Variants in EGLN1 observed in about 807,000 individuals in gnomAD.
EGLN1 encodes egl-9 family hypoxia inducible factor 1.
Under a neutral mutation model 38.3 loss-of-function variants are expected in EGLN1, and 17 were observed. The ratio of observed to expected loss-of-function variants is 0.44; its 90% confidence interval spans 0.30 to 0.67. The LOEUF (loss-of-function observed/expected upper bound fraction) is 0.67. Ranked by LOEUF, EGLN1 falls within the 30% of genes least tolerant of loss-of-function variation. The pLI, the probability that EGLN1 is intolerant of heterozygous loss-of-function variation, is 0.08. For synonymous variants in EGLN1, 283 were observed against 257.5 expected, an observed-to-expected ratio of 1.10 and a Z score of -0.95; for missense variants, 477 against 603.3, an observed-to-expected ratio of 0.79 and a Z score of 2.19.
At chr1:231,388,285 G>A (rs1688272684) in intron 1 of EGLN1, among the ~76,000 whole-genome samples, 1 of 139,566 alleles carries the variant, frequency 7.2e-6, no homozygotes. Context: ...AAATTAAGAG[G>A]GAAGAACCAA....
At chr1:231,381,692 G>A (rs182197) in intron 1 of EGLN1, among the ~76,000 whole-genome samples, 150,563 of 152,344 alleles carry the variant, frequency 0.99, 74,407 homozygotes, top group East Asian at 1. Flanking sequence ...ATAAAGTTAT[G>A]CTTTACAAAT....
intron 1 of EGLN1, among the ~76,000 whole-genome samples, chr1:231,394,545 ATT>A (rs59597792): frequency 0.055 from 7,704 of 141,324 alleles, 681 homozygotes; most frequent in African/African-American, 0.19. Context: ...CGCCCGACTA[ATT>A]TTTTTTTTTT....
Position 231,421,348 on chromosome 1 carries a change from G to A in EGLN1, c.541C>T (p.Pro181Ser), listed in dbSNP as rs1339434215. The change falls in exon 1 of 5, where the codon CCC becomes TCC. Residue 181 changes from proline to serine, a missense_variant. Physicochemically the swap from Pro to Ser is moderately conservative, Grantham distance 74. Coordinates refer to ENST00000366641, the MANE Select transcript of EGLN1 (RefSeq NM_022051.3). The surrounding 1 kb of genome is among the most constrained non-coding windows in gnomAD (Gnocchi z 5.5). Reference protein sequence around the residue: ...DALSPGGGLRPNGQTKPLPAL... With the variant: ...DALSPGGGLRSNGQTKPLPAL... ...GGCAGGGGCTTCGTCTGCCCGTTGG[G>A]CCGCAGGCCGCCGCCGGGGCTCAGC... 8 of 1,609,978 alleles carry A rather than the reference G, an allele frequency of 5.0e-6. No homozygotes were observed. The highest frequency in any genetic ancestry group is 1.3e-5 in the African/African-American group (1 of 74,986).
chr1:231,397,935 A>C (rs1032506441), intron 1 of EGLN1, among the ~76,000 whole-genome samples: 19 of 152,328 alleles, frequency 1.2e-4, no homozygotes, highest in African/African-American at 4.6e-4. Flanking sequence ...GTTCTGAAGA[A>C]ACTGATAAGC....
At chr1:231,394,806 A>G (rs1474729018) in intron 1 of EGLN1, among the ~76,000 whole-genome samples, 1 of 152,184 alleles carries the variant, frequency 6.6e-6, no homozygotes, top group East Asian at 1.9e-4. Context: ...AAATTTATCT[A>G]AATAAATAAC....
At position 231,420,896 on chromosome 1, in the gene EGLN1, A is replaced by G. The variant is rs1656568432; in HGVS notation, c.891+102T>C. The G allele has an allele frequency of 1.9e-6, 3 of 1,607,530 alleles. No individual in the cohort carries two copies. In the South Asian group the frequency reaches 3.3e-5, roughly 18 times the overall value. On this transcript the variant is annotated intron_variant, in intron 1 of 4. Transcript: ENST00000366641. ...ACACAAGAAAGAGCGAGTCCCTTCT[A>G]TATAGAGGAATGCTGCTTCTCAGCC...
At chr1:231,368,310 G>T (rs989487431) in intron 3 of EGLN1, among the ~76,000 whole-genome samples, 1 of 152,180 alleles carries the variant, frequency 6.6e-6, no homozygotes, top group African/African-American at 2.4e-5. Flanking sequence ...GGGCATTGCA[G>T]GCTAACAGTT....
chr1:231,373,912 T>C (rs1160892901), intron 2 of EGLN1, 68 bp downstream of exon 2: 9 of 1,569,292 alleles, frequency 5.7e-6, no homozygotes, highest in East Asian at 4.5e-5. Context: ...ATCAGAAGTA[T>C]GAAACTTAAT....
At chr1:231,406,925 T>G (rs1688812956) in intron 1 of EGLN1, among the ~76,000 whole-genome samples, 1 of 152,142 alleles carries the variant, frequency 6.6e-6, no homozygotes, top group Non-Finnish European at 1.5e-5. Context: ...GCCCAAAATT[T>G]CTTTATTCAA....
intron 1 of EGLN1, among the ~76,000 whole-genome samples, chr1:231,405,334 C>T (rs1472860034): frequency 6.6e-6 from 1 of 151,996 alleles, no homozygotes; most frequent in Non-Finnish European, 1.5e-5. Flanking sequence ...TGCCCGCCAC[C>T]ATGCCCGGCT....
At chr1:231,392,990 A>G (rs941600414) in intron 1 of EGLN1, among the ~76,000 whole-genome samples, 5 of 152,214 alleles carry the variant, frequency 3.3e-5, no homozygotes, top group African/African-American at 1.2e-4. Flanking sequence ...AAGTTGGTTC[A>G]GAAATGGGCA....
At chr1:231,403,749 C>T (rs1688718894) in intron 1 of EGLN1, among the ~76,000 whole-genome samples, 1 of 109,672 alleles carries the variant, frequency 9.1e-6, no homozygotes, top group African/African-American at 3.7e-5. Context: ...GCATGGTCAA[C>T]AGAGCCAGAC....
chr1:231,402,573 T>C (rs2102927201), intron 1 of EGLN1, among the ~76,000 whole-genome samples: 1 of 152,092 alleles, frequency 6.6e-6, no homozygotes, highest in Non-Finnish European at 1.5e-5. Context: ...TAGCTGGGAT[T>C]ACAGGTGCAC....
intron 1 of EGLN1, among the ~76,000 whole-genome samples, chr1:231,395,833 C>G (rs1688510405): frequency 6.6e-6 from 1 of 152,108 alleles, no homozygotes; most frequent in Non-Finnish European, 1.5e-5. Flanking sequence ...CCTACTGATT[C>G]AGAATCTCCA....
chr1:231,377,207 A>G (rs931165288), intron 1 of EGLN1, among the ~76,000 whole-genome samples: 2 of 152,250 alleles, frequency 1.3e-5, no homozygotes, highest in African/African-American at 2.4e-5. Context: ...CAACCATGTG[A>G]GGTAAACAGT....
intron 1 of EGLN1, among the ~76,000 whole-genome samples, chr1:231,404,348 G>A (rs1688735225): frequency 6.6e-6 from 1 of 152,052 alleles, no homozygotes; most frequent in Admixed American, 6.6e-5. Flanking sequence ...ATTATTTTAG[G>A]AGGAAAATAA....
intron 1 of EGLN1, among the ~76,000 whole-genome samples, chr1:231,391,129 T>A (rs1323418173): frequency 6.6e-6 from 1 of 151,244 alleles, no homozygotes; most frequent in Non-Finnish European, 1.5e-5. Flanking sequence ...TGTGTGTGTG[T>A]GTGTGAGACA....
chr1:231,366,281 G>A lies in EGLN1; in HGVS notation c.*130C>T. On this transcript the variant is annotated 3_prime_UTR_variant, in exon 5 of 5. Coordinates refer to ENST00000366641, the MANE Select transcript of EGLN1 (RefSeq NM_022051.3). Reference sequence around the variant, plus strand: ...TCTTCTGTTTGATGCAACACAAAAAGTTGTTTCTGTTTCCTTATTAAAATG... The same window carrying A: ...TCTTCTGTTTGATGCAACACAAAAAATTGTTTCTGTTTCCTTATTAAAATG... 2 of 970,668 alleles carry A rather than the reference G, an allele frequency of 2.1e-6. No individual in the cohort carries two copies. Among genetic ancestry groups the A allele is most frequent in the East Asian group, 5.0e-5 (2 of 39,922 alleles). 60.1% of individuals were successfully genotyped at this position (970,668 alleles called of 1,614,324 possible).
chr1:231,401,283 G>A (rs998901230), intron 1 of EGLN1, among the ~76,000 whole-genome samples: 4 of 152,076 alleles, frequency 2.6e-5, no homozygotes, highest in African/African-American at 9.7e-5. Context: ...CTCAATTATA[G>A]AATGAGGAAA....
Sources: gnomAD v4.1 joint callset for allele counts (sites outside exome capture counted in the v4.1 genomes callset) on GRCh38, gnomAD v4.1.1 for gene constraint, Gnocchi (gnomAD v3.1) non-coding constraint, MANE v1.5 for transcripts, NCBI Gene and HGNC (gene_info 2026-07-23, HGNC 2026-07-21) for gene names.